The following LRP6 variants were observed in gnomAD, a reference collection of about 807,000 sequenced individuals.
LRP6 encodes the protein LDL receptor related protein 6.
In LRP6, 43 loss-of-function variants were observed where a neutral mutation model predicts 184.1. The observed-to-expected ratio is 0.23, with a 90% CI of 0.18 to 0.30. LRP6 has a LOEUF of 0.30. Among genes scored for constraint, LRP6 ranks in the 10% least tolerant of loss-of-function variants. The pLI, the probability that LRP6 is intolerant of heterozygous loss-of-function variation, is 1.00. For synonymous variants in LRP6, 719 were observed against 684.9 expected (o/e 1.05, Z -0.78); for missense variants, 1,571 against 2,005.3 (o/e 0.78, Z 4.14).
At chr12:12,206,578 T>A (rs369240672) in intron 2 of LRP6, among the ~76,000 whole-genome samples, 4 of 151,752 alleles carry the variant, frequency 2.6e-5, no homozygotes, top group East Asian at 3.9e-4. Flanking sequence ...TCATTTTTAT[T>A]CTGAGAACAA....
chr12:12,170,833 G>A (rs770116437), intron 7 of LRP6, among the ~76,000 whole-genome samples: 52 of 121,292 alleles, frequency 4.3e-4, no homozygotes, highest in Non-Finnish European at 6.1e-4. Flanking sequence ...ACACACACAC[G>A]TCTTAGATGA....
chr12:12,123,994 G>A (rs1483531069), intron 22 of LRP6, among the ~76,000 whole-genome samples: 1 of 151,970 alleles, frequency 6.6e-6, no homozygotes, highest in African/African-American at 2.4e-5. Flanking sequence ...TCACTTTGGT[G>A]GGTAATTCCT....
At chr12:12,155,328 G>A in intron 12 of LRP6, 1 of 758,282 alleles carries the variant, frequency 1.3e-6, no homozygotes, top group Non-Finnish European at 2.4e-6. Context: ...TAGAAAGCAT[G>A]GAGTTGTTCC....
intron 15 of LRP6, among the ~76,000 whole-genome samples, chr12:12,139,613 C>T (rs998345409): frequency 1.3e-5 from 2 of 151,946 alleles, no homozygotes; most frequent in African/African-American, 4.8e-5. Context: ...AGTCCAGGTA[C>T]TCAGGAGGCT....
intron 7 of LRP6, among the ~76,000 whole-genome samples, chr12:12,176,208 G>A (rs899799725): frequency 5.3e-5 from 8 of 152,156 alleles, no homozygotes; most frequent in Admixed American, 6.5e-5. Context: ...AATCAGGAGG[G>A]GGGGTGGTGG....
chr12:12,131,800 G>A (rs1177143574), intron 18 of LRP6, 21 bp downstream of exon 18: 6 of 1,580,358 alleles, frequency 3.8e-6, no homozygotes, highest in Non-Finnish European at 4.4e-6. Flanking sequence ...GCATGCTGAG[G>A]CACTGAAGAA....
At chr12:12,204,802 A>C (rs1864009187) in intron 2 of LRP6, among the ~76,000 whole-genome samples, 1 of 136,646 alleles carries the variant, frequency 7.3e-6, no homozygotes, top group African/African-American at 2.7e-5. Context: ...CTAAAAATAC[A>C]AAAAAAAAAA....
chr12:12,155,481 T>C (rs1189447108), intron 12 of LRP6: 6 of 904,702 alleles, frequency 6.6e-6, no homozygotes, highest in South Asian at 2.6e-5. Flanking sequence ...GCTGTTGGCA[T>C]TGTTGTAAAC....
At chr12:12,143,750 A>G (rs1949964940) in intron 15 of LRP6, among the ~76,000 whole-genome samples, 2 of 152,212 alleles carry the variant, frequency 1.3e-5, no homozygotes, top group Admixed American at 1.3e-4. Flanking sequence ...AGATCCCAAT[A>G]AGAAAAGTTA....
chr12:12,208,678 T>C (rs985219388), intron 2 of LRP6, among the ~76,000 whole-genome samples: 1 of 152,192 alleles, frequency 6.6e-6, no homozygotes, highest in African/African-American at 2.4e-5. Context: ...CCAGACCTTG[T>C]GCTTTCCATT....
chr12:12,237,188 A>C (rs569387930), intron 2 of LRP6, among the ~76,000 whole-genome samples: 1 of 152,338 alleles, frequency 6.6e-6, no homozygotes, highest in South Asian at 2.1e-4. Flanking sequence ...AGATGCACCT[A>C]GCAACCCTAC....
chr12:12,251,423 G>A (rs1865322505), intron 1 of LRP6, among the ~76,000 whole-genome samples: 1 of 152,000 alleles, frequency 6.6e-6, no homozygotes, highest in East Asian at 1.9e-4. Context: ...GAGAGCAGTG[G>A]TGGGATCTCA....
chr12:12,174,710 G>A (rs886450736), intron 7 of LRP6, among the ~76,000 whole-genome samples: 1 of 152,162 alleles, frequency 6.6e-6, no homozygotes, highest in African/African-American at 2.4e-5. Context: ...ATGAAATAAA[G>A]GAAGTTATCA....
intron 1 of LRP6, among the ~76,000 whole-genome samples, chr12:12,261,955 T>G (rs1332925967): frequency 1.3e-5 from 2 of 151,850 alleles, no homozygotes; most frequent in Admixed American, 1.3e-4. Flanking sequence ...CAAAAAAAGC[T>G]AAAAAGGCCA....
At position 12,184,081 on chromosome 12, in the gene LRP6, C is replaced by T. The variant is rs767227143; in HGVS notation, c.875G>A (p.Gly292Asp). The stretch of plus-strand genomic sequence containing the variant: ...AGACATCAAACACAAATGGGAACAA[C>T]CCCCATTGTCAATTCCACATGGATT... ...ATNPCGIDNG[G>D]CSHLCLMSPV... Residue 292 changes from glycine (G) to aspartate (D), a missense_variant, in exon 5 of 23, where the codon GGT becomes GAT. By Grantham distance (94) the Gly-to-Asp change is moderately conservative (BLOSUM62 -1). Transcript: ENST00000261349. 2 of 1,613,254 alleles carry T rather than the reference C, an allele frequency of 1.2e-6. No homozygotes were observed. The highest frequency in any genetic ancestry group is 2.7e-5 in the African/African-American group (2 of 74,892).
intron 1 of LRP6, among the ~76,000 whole-genome samples, chr12:12,250,518 G>T (rs1865300073): frequency 6.6e-6 from 1 of 151,188 alleles, no homozygotes; most frequent in East Asian, 1.9e-4. Context: ...CTACCTCTAG[G>T]ATCTCAGCCC....
chr12:12,164,105 G>C (rs1382574223), intron 9 of LRP6, among the ~76,000 whole-genome samples, 168 bp downstream of exon 9: 1 of 151,526 alleles, frequency 6.6e-6, no homozygotes. Flanking sequence ...ACTCCAGCCT[G>C]GGTGACAGAG....
intron 1 of LRP6, among the ~76,000 whole-genome samples, chr12:12,251,896 G>A (rs978930825): frequency 6.6e-6 from 1 of 152,032 alleles, no homozygotes; most frequent in African/African-American, 2.4e-5. Flanking sequence ...AAGAGACAGG[G>A]TCTCACCCTG....
chr12:12,154,441 ATTTAG>A (rs1950124172), intron 12 of LRP6, among the ~76,000 whole-genome samples: 1 of 152,186 alleles, frequency 6.6e-6, no homozygotes, highest in South Asian at 2.1e-4. Flanking sequence ...GACATAATTT[ATTTAG>A]TTTATTATCT....
Sources: gnomAD v4.1 joint callset for allele counts (sites outside exome capture counted in the v4.1 genomes callset) on GRCh38, gnomAD v4.1.1 for gene constraint, MANE v1.5 for transcripts, NCBI Gene and HGNC (gene_info 2026-07-23, HGNC 2026-07-21) for gene names.